GRM7: variants seen among roughly 807,000 people sequenced by gnomAD.
GRM7 encodes metabotropic glutamate receptor 7.
Under a neutral mutation model 84.5 loss-of-function variants are expected in GRM7, and 35 were observed. The ratio of observed to expected loss-of-function variants is 0.41; its 90% CI spans 0.32 to 0.55. The LOEUF is 0.55. Ranked by LOEUF, GRM7 falls within the 20% of genes least tolerant of loss-of-function variation. The probability of loss-of-function intolerance (pLI) is 0.19; values close to 1 mark genes in which losing one functional copy is unlikely to be tolerated. For missense variants in GRM7, 1,003 were observed against 1,194.6 expected (o/e 0.84, Z 2.36); for synonymous variants, 487 against 455.1 (o/e 1.07, Z -0.89).
chr3:6,885,816 A>C (rs1695671442), intron 1 of GRM7, among the ~76,000 whole-genome samples: 1 of 152,234 alleles, frequency 6.6e-6, no homozygotes, highest in Non-Finnish European at 1.5e-5. Flanking sequence ...ACAAGTAAAC[A>C]GTGCCACACA....
At chr3:7,639,524 TC>T (rs1698266752) in intron 8 of GRM7, among the ~76,000 whole-genome samples, 1 of 152,204 alleles carries the variant, frequency 6.6e-6, no homozygotes, top group Non-Finnish European at 1.5e-5. Flanking sequence ...CCCATAGATC[TC>T]CTCTATATTA....
In GRM7 at chr3:7,484,604, A is replaced by G. The variant is rs566603193; in HGVS notation, c.1515+22882A>G. 4.6e-5 allele frequency among the ~76,000 whole-genome samples: 7 copies of G among 152,346 alleles called. No homozygotes were observed. In the South Asian group the frequency reaches 1.5e-3, roughly 32 times the overall value. On this transcript the variant is annotated intron_variant, in intron 7 of 9. Coordinates refer to ENST00000357716, the MANE Select transcript of GRM7 (RefSeq NM_000844.4). ...GGGGATATGGCTTGGTACATCCTCC[A>G]TGCATTCCTTTATTCAGTTTTGTGC...
chr3:7,080,527 A>C (rs373879970), intron 1 of GRM7, among the ~76,000 whole-genome samples: 121 of 152,176 alleles, frequency 8.0e-4, no homozygotes, highest in African/African-American at 2.8e-3. Context: ...GATATGAAAG[A>C]AGTCCAAACT....
intron 7 of GRM7, among the ~76,000 whole-genome samples, chr3:7,558,482 G>A (rs1400711507): frequency 6.6e-6 from 1 of 152,038 alleles, no homozygotes; most frequent in African/African-American, 2.4e-5. Flanking sequence ...GGCTGTAGGA[G>A]AATTCTGCAA....
In GRM7 at chr3:7,534,855, G is replaced by A. The variant is rs188397142; in HGVS notation, c.1516-43567G>A. Among the ~76,000 whole-genome samples, 70 of 152,236 alleles carry A rather than the reference G, an allele frequency of 4.6e-4. No homozygotes were observed. The East Asian group carries it at 0.01, about 22-fold the overall frequency. On this transcript the variant is annotated intron_variant, in intron 7 of 9. Transcript: ENST00000357716. ...GAAATCTTTGGCAATAGAAAAACAC[G>A]GCTATTAAGGAAATGCATTTTCTTA...
chr3:7,227,394 C>T (rs1417914048), intron 2 of GRM7, among the ~76,000 whole-genome samples: 4 of 152,130 alleles, frequency 2.6e-5, no homozygotes, highest in African/African-American at 9.7e-5. Flanking sequence ...TCTACCCTAC[C>T]CCACTGTGTT....
chr3:7,151,116 A>G lies in GRM7; in HGVS notation c.736+4448A>G, dbSNP rs1370436177. Among the ~76,000 whole-genome samples, 1 of 151,804 alleles carries G rather than the reference A, an allele frequency of 6.6e-6. No homozygotes were observed. The highest frequency in any genetic ancestry group is 1.5e-5 in the Non-Finnish European group (1 of 68,018). ...AATTATTATTATTCAGATAAACTCT[A>G]GAATTTATTTTTAATTAATACTTTA... On this transcript the variant is annotated intron_variant, in intron 2 of 9. Transcript: ENST00000357716. This position sits in a 1 kb window ranked among gnomAD's most constrained non-coding sequence, Gnocchi z 4.5.
intron 5 of GRM7, among the ~76,000 whole-genome samples, chr3:7,420,440 T>A (rs936771349): frequency 1.1e-4 from 16 of 152,116 alleles, no homozygotes; most frequent in African/African-American, 3.9e-4. Flanking sequence ...ACTCTAAGAC[T>A]TTTTTTGAAA....
At chr3:7,316,905 T>G (rs1025776804) in intron 4 of GRM7, among the ~76,000 whole-genome samples, 1 of 152,156 alleles carries the variant, frequency 6.6e-6, no homozygotes, top group Non-Finnish European at 1.5e-5. Context: ...AAAGGACACT[T>G]GCTAGAATAT....
In GRM7 at chr3:7,204,691, C is replaced by T. The variant is rs527872054; in HGVS notation, c.736+58023C>T. Among the ~76,000 whole-genome samples, 90 of 152,304 alleles carry T rather than the reference C, an allele frequency of 5.9e-4. 1 individual carries two copies. The Middle Eastern group carries it at 0.014, about 23-fold the overall frequency. On this transcript the variant is annotated intron_variant, in intron 2 of 9. Coordinates refer to ENST00000357716, the MANE Select transcript of GRM7 (RefSeq NM_000844.4). The stretch of plus-strand genomic sequence containing the variant: ...GTGTTAGAAGTGTTCTCTGCAGTAC[C>T]ATCACATTCTGACTTCCCCATTGGG...
chr3:7,466,631 G>C (rs1698469908), intron 7 of GRM7, among the ~76,000 whole-genome samples: 1 of 152,168 alleles, frequency 6.6e-6, no homozygotes, highest in Non-Finnish European at 1.5e-5. Flanking sequence ...TCTCTAATAT[G>C]CCAAAATGTC....
At chr3:6,961,020 C>G (rs138130386) in intron 1 of GRM7, among the ~76,000 whole-genome samples, 1 of 152,216 alleles carries the variant, frequency 6.6e-6, no homozygotes, top group African/African-American at 2.4e-5. Flanking sequence ...CTATTTTTGT[C>G]CTTATTTCTG....
intron 9 of GRM7, among the ~76,000 whole-genome samples, chr3:7,715,160 C>A (rs943116378): frequency 1.1e-4 from 16 of 152,058 alleles, no homozygotes; most frequent in African/African-American, 3.9e-4. Context: ...CTATCTATGA[C>A]AAAAGGAAAG....
At chr3:7,647,563 A>C (rs1698704185) in intron 8 of GRM7, among the ~76,000 whole-genome samples, 1 of 152,316 alleles carries the variant, frequency 6.6e-6, no homozygotes, top group Non-Finnish European at 1.5e-5. Flanking sequence ...GCCAATGGGG[A>C]GTTGGAAGTA....
intron 8 of GRM7, among the ~76,000 whole-genome samples, chr3:7,629,813 A>G (rs1424690605): frequency 6.6e-6 from 1 of 152,120 alleles, no homozygotes; most frequent in Non-Finnish European, 1.5e-5. Flanking sequence ...TTTACATTCC[A>G]AGTTTTTTTT....
intron 9 of GRM7, among the ~76,000 whole-genome samples, chr3:7,696,715 A>G (rs1444725548): frequency 7.9e-5 from 12 of 152,214 alleles, no homozygotes; most frequent in African/African-American, 2.7e-4. Context: ...AGCCCTTGGC[A>G]ACATTGTCTG....
At chr3:7,099,282 T>C (rs1340958140) in intron 1 of GRM7, among the ~76,000 whole-genome samples, 2 of 147,320 alleles carry the variant, frequency 1.4e-5, no homozygotes, top group South Asian at 4.2e-4. Flanking sequence ...TGAATACATG[T>C]ATTATACATG....
chr3:7,702,794 AT>A (rs1395216833), intron 9 of GRM7, among the ~76,000 whole-genome samples: 1 of 152,188 alleles, frequency 6.6e-6, no homozygotes, highest in Admixed American at 6.5e-5. Flanking sequence ...TAGGAAGAGG[AT>A]GGGATGCAAC....
chr3:7,662,799 A>G (rs140659158), intron 8 of GRM7, among the ~76,000 whole-genome samples: 6 of 152,350 alleles, frequency 3.9e-5, no homozygotes, highest in Non-Finnish European at 7.3e-5. Context: ...TTTCTGAAAA[A>G]TTTTTAAGTA....
Sources: gnomAD v4.1 joint callset for allele counts (sites outside exome capture counted in the v4.1 genomes callset) on GRCh38, gnomAD v4.1.1 for gene constraint, Gnocchi (gnomAD v3.1) non-coding constraint, MANE v1.5 for transcripts, NCBI Gene and HGNC (gene_info 2026-07-23, HGNC 2026-07-21) for gene names.